PDE1C: variants seen among roughly 807,000 people sequenced by gnomAD.
The protein encoded by PDE1C is dual specificity calcium/calmodulin-dependent 3',5'-cyclic nucleotide phosphodiesterase 1C.
In PDE1C, 62 loss-of-function variants were observed where a neutral mutation model predicts 93.1. That is an observed-to-expected ratio of 0.67 (90% CI 0.54 to 0.82). The LOEUF (loss-of-function observed/expected upper bound fraction) is 0.82. Among genes scored for constraint, PDE1C ranks in the 40% least tolerant of loss-of-function variants. The probability of loss-of-function intolerance (pLI) is 0.00; values close to 1 mark genes in which losing one functional copy is unlikely to be tolerated. For synonymous variants in PDE1C, 325 were observed against 310.1 expected (o/e 1.05, Z -0.50); for missense variants, 742 against 884.6 (o/e 0.84, Z 2.04).
At chr7:31,700,413 C>G in the PDE1C span, among the ~76,000 whole-genome samples, 1 of 152,066 alleles carries the variant, frequency 6.6e-6, no homozygotes, top group East Asian at 1.9e-4. Context: ...AGGAAGCTAG[C>G]AGAGAAGAAA....
At chr7:32,357,206 T>C (rs1237193951) in intron 1 of PDE1C, among the ~76,000 whole-genome samples, 2 of 151,920 alleles carry the variant, frequency 1.3e-5, no homozygotes, top group African/African-American at 4.8e-5. Context: ...TGGTGGCAGG[T>C]GCCTGTAGTC....
At chr7:32,049,979 G>T (rs949928132) in intron 2 of PDE1C, among the ~76,000 whole-genome samples, 1 of 152,142 alleles carries the variant, frequency 6.6e-6, no homozygotes, top group East Asian at 1.9e-4. Context: ...ACATGCCTAG[G>T]CTGTTGGTAT....
chr7:31,793,595 G>A (rs150196689), intron 16 of PDE1C, among the ~76,000 whole-genome samples: 2 of 149,708 alleles, frequency 1.3e-5, no homozygotes, highest in South Asian at 2.1e-4. Flanking sequence ...AGAAAAAAAC[G>A]AATGAAGAAT....
At chr7:32,173,180 T>C (rs962880965) in intron 2 of PDE1C, among the ~76,000 whole-genome samples, 2 of 152,118 alleles carry the variant, frequency 1.3e-5, no homozygotes, top group Non-Finnish European at 2.9e-5. Flanking sequence ...TATGCAGCCA[T>C]AAAAATGAGA....
intron 17 of PDE1C, among the ~76,000 whole-genome samples, chr7:31,766,503 G>T (rs1795157736): frequency 6.6e-6 from 1 of 151,966 alleles, no homozygotes; most frequent in African/African-American, 2.4e-5. Flanking sequence ...TTTTACATTT[G>T]CTTAAACATT....
intron 16 of PDE1C, among the ~76,000 whole-genome samples, chr7:31,798,202 G>A (rs1785545256): frequency 1.3e-5 from 2 of 151,804 alleles, no homozygotes; most frequent in Non-Finnish European, 2.9e-5. Context: ...TTGTACATCA[G>A]TAAACTGTCA....
intron 3 of PDE1C, among the ~76,000 whole-genome samples, chr7:32,151,959 G>T (rs1801287656): frequency 6.6e-6 from 1 of 152,140 alleles, no homozygotes; most frequent in African/African-American, 2.4e-5. Flanking sequence ...TTATTCCTAT[G>T]ATGACATTTT....
At chr7:31,721,204 G>C in the PDE1C span, among the ~76,000 whole-genome samples, 1 of 152,220 alleles carries the variant, frequency 6.6e-6, no homozygotes, top group African/African-American at 2.4e-5. Context: ...TTCTAGAGCA[G>C]AGATTATGTT....
Position 31,753,192 on chromosome 7 carries a change from T to C in PDE1C, c.*192A>G, listed in dbSNP as rs1794220779. On this transcript the variant is annotated 3_prime_UTR_variant, in exon 18 of 18. Coordinates refer to ENST00000396191, the MANE Select transcript of PDE1C (RefSeq NM_001191057.4). ...TCTGGGCTGATCCCACATACAGCAATTGAAAAGTCTATACAAGAACAACAA... is the reference window on the plus strand; with the variant it reads ...TCTGGGCTGATCCCACATACAGCAACTGAAAAGTCTATACAAGAACAACAA... 5.2e-6 allele frequency: 3 copies of C among 578,978 alleles called. No homozygotes were observed. Among genetic ancestry groups the C allele is most frequent in the African/African-American group, 1.9e-5 (1 of 53,140 alleles). 35.9% of individuals were successfully genotyped at this position (578,978 alleles called of 1,614,324 possible).
intron 16 of PDE1C, among the ~76,000 whole-genome samples, chr7:31,776,069 C>T (rs1043547496): frequency 2.0e-5 from 3 of 152,126 alleles, no homozygotes; most frequent in Non-Finnish European, 4.4e-5. Flanking sequence ...GGGGTGGAGG[C>T]CCAGCACTCA....
chr7:32,243,213 G>A (rs923771352), intron 1 of PDE1C, among the ~76,000 whole-genome samples: 2 of 152,172 alleles, frequency 1.3e-5, no homozygotes, highest in African/African-American at 2.4e-5. Flanking sequence ...TATTATTTAG[G>A]AAAATGGTTC....
At chr7:32,210,982 G>A (rs551016505) in intron 1 of PDE1C, among the ~76,000 whole-genome samples, 15 of 152,164 alleles carry the variant, frequency 9.9e-5, no homozygotes, top group Non-Finnish European at 1.9e-4. Context: ...TTGGGAGGTC[G>A]AGGCGGTCGG....
intron 6 of PDE1C, among the ~76,000 whole-genome samples, chr7:31,865,964 C>T (rs569141258): frequency 1.3e-5 from 2 of 152,264 alleles, no homozygotes; most frequent in Non-Finnish European, 2.9e-5. Flanking sequence ...AACTACCAGT[C>T]ACTCAGAATA....
At chr7:32,320,516 G>C (rs897794396) in intron 1 of PDE1C, among the ~76,000 whole-genome samples, 2 of 150,824 alleles carry the variant, frequency 1.3e-5, no homozygotes. Context: ...GAACTTAAAA[G>C]TGGGGGGAAA....
intron 1 of PDE1C, among the ~76,000 whole-genome samples, chr7:32,332,168 A>G (rs566322731): frequency 6.6e-6 from 1 of 152,330 alleles, no homozygotes; most frequent in East Asian, 1.9e-4. Context: ...ACACACAGAG[A>G]CATCTATAAT....
At chr7:31,976,758 C>G (rs1811723865) in intron 2 of PDE1C, among the ~76,000 whole-genome samples, 1 of 152,096 alleles carries the variant, frequency 6.6e-6, no homozygotes, top group African/African-American at 2.4e-5. Context: ...ATATCATGTG[C>G]CAAATCAACA....
At chr7:32,265,054 G>C (rs1810466823) in intron 1 of PDE1C, among the ~76,000 whole-genome samples, 1 of 152,180 alleles carries the variant, frequency 6.6e-6, no homozygotes, top group South Asian at 2.1e-4. Context: ...AAAATTAAGG[G>C]TAGTAATGGG....
chr7:31,809,101 G>A lies in PDE1C; in HGVS notation c.1821C>T (p.Phe607=). ...SSGEQQQNGD[F]KDGKNKTDKK... ...TGTCTGTCTTATTTTTACCATCTTTGAAGTCACCTGAAAGTAATAAACATG... is the reference window on the plus strand; with the variant it reads ...TGTCTGTCTTATTTTTACCATCTTTAAAGTCACCTGAAAGTAATAAACATG... Residue 607 remains phenylalanine, a synonymous_variant, in exon 16 of 18, where the codon TTC becomes TTT. Transcript: ENST00000396191. The A allele has an allele frequency of 6.4e-7, 1 of 1,561,502 alleles. No individual in the cohort carries two copies. Among genetic ancestry groups the A allele is most frequent in the Non-Finnish European group, 8.8e-7 (1 of 1,133,592 alleles).
chr7:31,866,465 C>T (rs1198934658), intron 6 of PDE1C, among the ~76,000 whole-genome samples: 1 of 152,096 alleles, frequency 6.6e-6, no homozygotes, highest in East Asian at 1.9e-4. Flanking sequence ...CAAGGAAAGT[C>T]TCCAGCATCC....
Sources: gnomAD v4.1 joint callset for allele counts (sites outside exome capture counted in the v4.1 genomes callset) on GRCh38, gnomAD v4.1.1 for gene constraint, MANE v1.5 for transcripts, NCBI Gene and HGNC (gene_info 2026-07-23, HGNC 2026-07-21) for gene names.